EPHA3: variants seen among roughly 807,000 people sequenced by gnomAD.
EPHA3 encodes the protein ephrin type-A receptor 3.
In EPHA3, 42 loss-of-function variants were observed where a neutral mutation model predicts 107.1. The observed-to-expected ratio is 0.39, with a 90% CI of 0.31 to 0.51. The LOEUF is 0.51. Among genes scored for constraint, EPHA3 ranks in the 20% least tolerant of loss-of-function variants. The pLI, the probability that EPHA3 is intolerant of heterozygous loss-of-function variation, is 0.78. For missense variants in EPHA3, 1,183 were observed against 1,211.2 expected (o/e 0.98, Z 0.35); for synonymous variants, 461 against 424.8 (o/e 1.09, Z -1.05).
chr3:89,141,082 G>T (rs1316868270), intron 2 of EPHA3, among the ~76,000 whole-genome samples: 2 of 151,542 alleles, frequency 1.3e-5, no homozygotes, highest in African/African-American at 4.8e-5. Flanking sequence ...ATCAGGAATG[G>T]AAATCAGACA....
At chr3:89,151,284 C>G (rs1704685420) in intron 2 of EPHA3, among the ~76,000 whole-genome samples, 1 of 152,054 alleles carries the variant, frequency 6.6e-6, no homozygotes, top group South Asian at 2.1e-4. Context: ...CATATATTTA[C>G]TTCACTGGAC....
At chr3:89,318,392 G>A (rs1706959668) in intron 3 of EPHA3, among the ~76,000 whole-genome samples, 1 of 151,666 alleles carries the variant, frequency 6.6e-6, no homozygotes, top group Admixed American at 6.6e-5. Flanking sequence ...TGATATTTTG[G>A]GTGTGGGGCA....
intron 12 of EPHA3, among the ~76,000 whole-genome samples, 192 bp from the exon 13 acceptor site, chr3:89,430,958 A>G (rs1709554528): frequency 2.0e-5 from 3 of 152,192 alleles, no homozygotes; most frequent in South Asian, 2.1e-4. Context: ...AAAGTATTTG[A>G]TAACATAGCC....
intron 2 of EPHA3, among the ~76,000 whole-genome samples, chr3:89,185,414 A>G (rs1705540792): frequency 6.6e-6 from 1 of 152,058 alleles, no homozygotes; most frequent in Non-Finnish European, 1.5e-5. Context: ...TATATTTGAT[A>G]TATTAATATA....
At chr3:89,347,525 G>A (rs1214184269) in intron 5 of EPHA3, among the ~76,000 whole-genome samples, 1 of 148,382 alleles carries the variant, frequency 6.7e-6, no homozygotes, top group Non-Finnish European at 1.5e-5. Flanking sequence ...CTGAGACAAT[G>A]GGGTTTTCTA....
At chr3:89,180,193 AT>A (rs1045823115) in intron 2 of EPHA3, among the ~76,000 whole-genome samples, 8 of 151,284 alleles carry the variant, frequency 5.3e-5, no homozygotes, top group East Asian at 1.9e-4. Flanking sequence ...CTCAACATTA[AT>A]TTTTTTTTCA....
chr3:89,148,896 A>G (rs1355864804), intron 2 of EPHA3, among the ~76,000 whole-genome samples: 2 of 152,042 alleles, frequency 1.3e-5, no homozygotes, highest in East Asian at 3.9e-4. Context: ...TCATAATTAT[A>G]AACATATAAC....
intron 5 of EPHA3, among the ~76,000 whole-genome samples, chr3:89,351,297 A>T (rs1347647773): frequency 1.3e-5 from 2 of 151,374 alleles, no homozygotes; most frequent in Non-Finnish European, 3.0e-5. Context: ...CCTCTGAGCC[A>T]GGTGTGGGAT....
intron 2 of EPHA3, among the ~76,000 whole-genome samples, chr3:89,149,402 T>C (rs1218136901): frequency 1.3e-5 from 2 of 152,036 alleles, no homozygotes; most frequent in African/African-American, 4.8e-5. Context: ...TGGTATGTCA[T>C]CCATCAGACA....
At chr3:89,387,602 C>T (rs1270580745) in intron 5 of EPHA3, among the ~76,000 whole-genome samples, 1 of 151,958 alleles carries the variant, frequency 6.6e-6, no homozygotes, top group Non-Finnish European at 1.5e-5. Context: ...TATGATTATC[C>T]CCTAGATTTT....
In EPHA3 at chr3:89,353,101, G is replaced by A. The variant is rs560555883; in HGVS notation, c.1306+11011G>A. ...TAACTCATGTTGAAGATATCAGTCA[G>A]GCTTCAGCATTTCTGAAGAAGCAAA... On this transcript the variant is annotated intron_variant, in intron 5 of 16. Coordinates refer to ENST00000336596, the MANE Select transcript of EPHA3 (RefSeq NM_005233.6). Among the ~76,000 whole-genome samples the A allele has an allele frequency of 6.6e-5, 10 of 151,062 alleles. 1 individual carries two copies. Among genetic ancestry groups the A allele is most frequent in the Admixed American group, 5.3e-4 (8 of 15,108 alleles).
chr3:89,418,831 T>G (rs2107526457), intron 10 of EPHA3, among the ~76,000 whole-genome samples: 2 of 151,560 alleles, frequency 1.3e-5, no homozygotes, highest in East Asian at 3.9e-4. Context: ...AATGCTCACA[T>G]TTAATCACTG....
At chr3:89,223,961 C>A (rs979494819) in intron 3 of EPHA3, among the ~76,000 whole-genome samples, 3 of 152,158 alleles carry the variant, frequency 2.0e-5, no homozygotes, top group Admixed American at 1.3e-4. Flanking sequence ...TTTTTAAATT[C>A]TTTCAATGCC....
intron 3 of EPHA3, among the ~76,000 whole-genome samples, chr3:89,279,725 A>G (rs559720631): frequency 2.0e-5 from 3 of 152,286 alleles, no homozygotes; most frequent in African/African-American, 7.2e-5. Flanking sequence ...AACATATTAT[A>G]TATTTGACTA....
chr3:89,278,595 C>A (rs1281642439), intron 3 of EPHA3, among the ~76,000 whole-genome samples: 1 of 152,032 alleles, frequency 6.6e-6, no homozygotes, highest in Admixed American at 6.6e-5. Flanking sequence ...TGCGCAATGG[C>A]CTATTTTGTG....
At chr3:89,387,878 C>T (rs1708654194) in intron 5 of EPHA3, among the ~76,000 whole-genome samples, 1 of 152,110 alleles carries the variant, frequency 6.6e-6, no homozygotes, top group South Asian at 2.1e-4. Flanking sequence ...ACAAAATTCT[C>T]CAGTCTTTAA....
At chr3:89,442,284 T>C (rs1168491874) in intron 13 of EPHA3, among the ~76,000 whole-genome samples, 1 of 152,154 alleles carries the variant, frequency 6.6e-6, no homozygotes, top group Non-Finnish European at 1.5e-5. Flanking sequence ...ACCCCTGTTT[T>C]TCTATTAGTA....
chr3:89,382,379 G>A (rs1225125861), intron 5 of EPHA3, among the ~76,000 whole-genome samples: 1 of 151,774 alleles, frequency 6.6e-6, no homozygotes, highest in African/African-American at 2.4e-5. Flanking sequence ...ATGGTGGTGG[G>A]AACCTGTAAT....
intron 11 of EPHA3, among the ~76,000 whole-genome samples, chr3:89,422,754 G>T (rs558373074): frequency 3.3e-5 from 5 of 151,300 alleles, no homozygotes; most frequent in African/African-American, 9.7e-5. Flanking sequence ...ATTGTTATTC[G>T]ATTGTGTGCT....
Sources: gnomAD v4.1 joint callset for allele counts (sites outside exome capture counted in the v4.1 genomes callset) on GRCh38, gnomAD v4.1.1 for gene constraint, MANE v1.5 for transcripts, NCBI Gene and HGNC (gene_info 2026-07-23, HGNC 2026-07-21) for gene names.